Variants in BCL11A observed in about 807,000 individuals in gnomAD.
BCL11A encodes BCL11 transcription factor A.
Under a neutral mutation model 55.9 loss-of-function variants are expected in BCL11A, and 2 were observed. The observed-to-expected ratio is 0.04, with a 90% CI of 0.01 to 0.11. BCL11A has a LOEUF of 0.11. Ranked by LOEUF, BCL11A falls within the 10% of genes least tolerant of loss-of-function variation. The probability of loss-of-function intolerance (pLI) is 1.00; values close to 1 mark genes in which losing one functional copy is unlikely to be tolerated. For synonymous variants in BCL11A, 465 were observed against 473.4 expected, an observed-to-expected ratio of 0.98 and a Z score of 0.23; for missense variants, 817 against 1,137.1, an observed-to-expected ratio of 0.72 and a Z score of 4.05.
chr2:60,513,128 G>C (rs1668559406), intron 2 of BCL11A, among the ~76,000 whole-genome samples: 1 of 152,084 alleles, frequency 6.6e-6, no homozygotes, highest in Non-Finnish European at 1.5e-5. Context: ...TGAAATCCAT[G>C]GATAGTCTAG....
At chr2:60,469,784 C>T (rs533409907) in intron 2 of BCL11A, among the ~76,000 whole-genome samples, 5 of 152,274 alleles carry the variant, frequency 3.3e-5, no homozygotes, top group African/African-American at 4.8e-5. Context: ...TTTCCAAGTC[C>T]TCCTCTAGCT....
At chr2:60,521,309 C>G (rs780736596) in intron 2 of BCL11A, among the ~76,000 whole-genome samples, 1 of 152,214 alleles carries the variant, frequency 6.6e-6, no homozygotes, top group African/African-American at 2.4e-5. Flanking sequence ...TAATAATAGC[C>G]TCTGTGTGAA....
intron 2 of BCL11A, among the ~76,000 whole-genome samples, chr2:60,516,055 G>A (rs899138668): frequency 5.9e-5 from 9 of 152,188 alleles, no homozygotes; most frequent in Non-Finnish European, 8.8e-5. Flanking sequence ...ATTGAACTGG[G>A]TTATGAAAAA....
rs1276460449 is a variant in BCL11A, at chr2:60,461,380, A to G, written c.1532T>C (p.Val511Ala). The stretch of plus-strand genomic sequence containing the variant: ...CAGGCTCAGCCCGAAGCCGTAGTCC[A>G]CCCTCTCGCTCTCCGTCAGCTCCTC... ...EEEELTESER[V>A]DYGFGLSLEA... Residue 511 changes from valine (V) to alanine (A), a missense_variant, in exon 4 of 4, where the codon GTG (valine) becomes GCG (alanine). Val to Ala is a moderately conservative substitution (Grantham distance 64). Around this residue, in one of 4 missense-constraint regions of BCL11A, gnomAD observed 379 missense variants for 425.3 expected, o/e 0.89. Transcript: ENST00000642384. The G allele has an allele frequency of 1.9e-6, 3 of 1,605,024 alleles. No homozygotes were observed. The highest frequency in any genetic ancestry group is 1.7e-6 in the Non-Finnish European group (2 of 1,178,772).
At chr2:60,512,968 T>C (rs928478730) in intron 2 of BCL11A, among the ~76,000 whole-genome samples, 2 of 151,980 alleles carry the variant, frequency 1.3e-5, no homozygotes, top group Non-Finnish European at 2.9e-5. Flanking sequence ...TAACATTTTC[T>C]CAAAAATGAA....
chr2:60,497,531 A>G (rs1679022214), intron 2 of BCL11A, among the ~76,000 whole-genome samples: 1 of 152,190 alleles, frequency 6.6e-6, no homozygotes, highest in South Asian at 2.1e-4. Flanking sequence ...GGCCCCTAAC[A>G]TCAGGAATCA....
In BCL11A at chr2:60,540,855, T is replaced by C. The variant is rs1669886895; in HGVS notation, c.385+5116A>G. Among the ~76,000 whole-genome samples, 3 of 151,912 alleles carry C rather than the reference T, an allele frequency of 2.0e-5. No homozygotes were observed. The South Asian group carries it at 6.2e-4, about 32-fold the overall frequency. The stretch of plus-strand genomic sequence containing the variant: ...TATGCCACATTCACTAAGAGAAAGG[T>C]GTGCAAAACATATTTCAGATCCTTT... On this transcript the variant is annotated intron_variant, in intron 2 of 3. Coordinates refer to ENST00000642384, the MANE Select transcript of BCL11A (RefSeq NM_022893.4).
chr2:60,457,551 C>A lies in BCL11A; in HGVS notation c.*2853G>T. ...ACAAAATATTCTGCATTGCCATTTACAAAAAAGTATTGACTAAAGCGGGCT... is the reference window on the plus strand; with the variant it reads ...ACAAAATATTCTGCATTGCCATTTAAAAAAAAGTATTGACTAAAGCGGGCT... On this transcript the variant is annotated 3_prime_UTR_variant, in exon 4 of 4. Transcript: ENST00000642384. The A allele has an allele frequency of 6.7e-6, 7 of 1,044,448 alleles. No individual in the cohort carries two copies. Among genetic ancestry groups the A allele is most frequent in the Non-Finnish European group, 8.1e-6 (7 of 866,174 alleles). The allele number at this position is 1,044,448 out of a possible 1,614,324, so 64.7% of individuals were successfully genotyped here.
At chr2:60,451,816 T>C (rs1175786006) in exon 5 of BCL11A, 1 of 230,180 alleles carries the variant, frequency 4.3e-6, no homozygotes, top group African/African-American at 2.2e-5. Flanking sequence ...AAAAACAGGA[T>C]TCGGCGTGCC....
At chr2:60,467,078 G>GTGGTGGTGGTGGTGGTGATGA (rs1558617925) in intron 3 of BCL11A, among the ~76,000 whole-genome samples, 3 of 148,158 alleles carry the variant, frequency 2.0e-5, no homozygotes, top group African/African-American at 4.9e-5. Context: ...GGCAGTGGTG[G>GTGGTGGTGGTGGTGGTGATGA]TGGTGGTGGT....
chr2:60,467,126 GTGA>G (rs1558618201), intron 3 of BCL11A, among the ~76,000 whole-genome samples: 34 of 133,776 alleles, frequency 2.5e-4, no homozygotes, highest in South Asian at 4.8e-4. Context: ...GGTGGTGGTG[GTGA>G]TGGTGGTGTT....
intron 2 of BCL11A, among the ~76,000 whole-genome samples, chr2:60,493,432 G>A (rs551641889): frequency 6.6e-6 from 1 of 152,100 alleles, no homozygotes; most frequent in South Asian, 2.1e-4. Context: ...CCCATTCCCT[G>A]GAGAGTTCAA....
At chr2:60,470,476 G>C (rs1255293245) in intron 2 of BCL11A, among the ~76,000 whole-genome samples, 1 of 152,072 alleles carries the variant, frequency 6.6e-6, no homozygotes, top group Non-Finnish European at 1.5e-5. Flanking sequence ...CCTTTTCTTA[G>C]GAAACACAGG....
chr2:60,519,605 C>T (rs1303970559), intron 2 of BCL11A, among the ~76,000 whole-genome samples: 1 of 146,022 alleles, frequency 6.8e-6, no homozygotes, highest in East Asian at 1.9e-4. Context: ...CAAGAGAAAT[C>T]GCTCCTGAAA....
chr2:60,545,940 C>T, intron 2 of BCL11A, 31 bp downstream of exon 2: 2 of 1,584,880 alleles, frequency 1.3e-6, no homozygotes, highest in Non-Finnish European at 1.7e-6. Flanking sequence ...AGAAAACATG[C>T]AAACAGCTTT....
chr2:60,541,431 T>C (rs1669922498), intron 2 of BCL11A, among the ~76,000 whole-genome samples: 1 of 152,244 alleles, frequency 6.6e-6, no homozygotes, highest in South Asian at 2.1e-4. Flanking sequence ...CCAACAATTG[T>C]AGGACACTTC....
intron 2 of BCL11A, among the ~76,000 whole-genome samples, chr2:60,495,316 C>A (rs1558642851): frequency 6.6e-6 from 1 of 152,090 alleles, no homozygotes; most frequent in African/African-American, 2.4e-5. Context: ...GTTGTATTGA[C>A]CCTGGTGTGT....
chr2:60,461,022 G>A lies in BCL11A; in HGVS notation c.1890C>T (p.Ser630=). ...KLLLGSPSSL[S]PFSKRIKLEK... ...CGAGCTTGATGCGCTTAGAGAAGGG[G>A]CTCAGCGAGCTGGGGCTGCCCAGCA... The change falls in exon 4 of 4, where the codon AGC becomes AGT. Residue 630 remains serine, a synonymous_variant. Coordinates refer to ENST00000642384, the MANE Select transcript of BCL11A (RefSeq NM_022893.4). 1 of 1,607,860 alleles carries A rather than the reference G, an allele frequency of 6.2e-7. No individual in the cohort carries two copies. The highest frequency in any genetic ancestry group is 8.5e-7 in the Non-Finnish European group (1 of 1,176,542).
intron 2 of BCL11A, among the ~76,000 whole-genome samples, chr2:60,498,777 G>A (rs1409910108): frequency 7.9e-5 from 12 of 152,210 alleles, no homozygotes; most frequent in African/African-American, 2.4e-4. Flanking sequence ...CAGACTGCCA[G>A]TTCTCTGAGG....
Sources: allele counts gnomAD v4.1 joint callset (sites outside exome capture counted in the v4.1 genomes callset), GRCh38; gene constraint gnomAD v4.1.1; regional missense constraint gnomAD v4.1.1; transcripts MANE v1.5; gene names NCBI Gene and HGNC (gene_info 2026-07-23, HGNC 2026-07-21).